The following TMEM62 variants were observed in gnomAD, a reference collection of about 807,000 sequenced individuals.
TMEM62 encodes the protein transmembrane protein 62.
In TMEM62, 41 loss-of-function variants were observed where a neutral mutation model predicts 70.4. The ratio of observed to expected loss-of-function variants is 0.58; its 90% confidence interval spans 0.45 to 0.76. TMEM62 has a LOEUF of 0.76. TMEM62 is among the 30% of genes least tolerant of loss of function. The pLI, the probability that TMEM62 is intolerant of heterozygous loss-of-function variation, is 0.00. For synonymous variants in TMEM62, 268 were observed against 291.0 expected (o/e 0.92, Z 0.80); for missense variants, 688 against 788.5 (o/e 0.87, Z 1.53).
intron 2 of TMEM62, 68 bp from the exon 3 acceptor site, chr15:43,135,444 A>G: frequency 6.7e-7 from 1 of 1,498,258 alleles, no homozygotes; most frequent in Admixed American, 2.6e-5. Flanking sequence ...CAGTGTACAT[A>G]TCTAAAAAAA....
At chr15:43,170,232 C>A (rs2040041320) in intron 11 of TMEM62, among the ~76,000 whole-genome samples, 1 of 152,046 alleles carries the variant, frequency 6.6e-6, no homozygotes, top group East Asian at 1.9e-4. Flanking sequence ...GTTGTTGTGC[C>A]CAAACTCTAA....
At chr15:43,151,643 A>T in intron 7 of TMEM62, 147 bp from the exon 8 acceptor site, 1 of 705,956 alleles carries the variant, frequency 1.4e-6, no homozygotes, top group Non-Finnish European at 2.3e-6. Context: ...TAAGGGAAGA[A>T]AGAAAGAAAA....
At chr15:43,176,140 C>T (rs574563764) in intron 11 of TMEM62, among the ~76,000 whole-genome samples, 3 of 152,318 alleles carry the variant, frequency 2.0e-5, no homozygotes, top group South Asian at 2.1e-4. Flanking sequence ...GAGGGGCGCC[C>T]GCCATTGCCC....
chr15:43,153,780 T>C (rs1025175540), intron 8 of TMEM62, among the ~76,000 whole-genome samples: 6 of 152,232 alleles, frequency 3.9e-5, no homozygotes, highest in African/African-American at 1.4e-4. Flanking sequence ...TTTGGCTATA[T>C]TGAATAACGC....
At chr15:43,157,679 C>A (rs2038204525) in intron 9 of TMEM62, among the ~76,000 whole-genome samples, 1 of 152,128 alleles carries the variant, frequency 6.6e-6, no homozygotes, top group Non-Finnish European at 1.5e-5. Flanking sequence ...CCCCTCCCTG[C>A]ACCATGATGT....
intron 9 of TMEM62, among the ~76,000 whole-genome samples, chr15:43,158,970 C>T (rs2038355191): frequency 1.3e-5 from 2 of 152,136 alleles, no homozygotes; most frequent in Admixed American, 1.3e-4. Flanking sequence ...TAGTGGGAGC[C>T]TCTTCATGTT....
chr15:43,175,555 A>G (rs1476601350), intron 11 of TMEM62, among the ~76,000 whole-genome samples: 1 of 152,114 alleles, frequency 6.6e-6, no homozygotes, highest in East Asian at 1.9e-4. Flanking sequence ...CGCAGAATGG[A>G]GCTTCTCTGA....
chr15:43,149,301 T>C (rs2037073962), intron 7 of TMEM62, 150 bp downstream of exon 7: 3 of 845,434 alleles, frequency 3.5e-6, no homozygotes, highest in East Asian at 5.5e-5. Context: ...TCTGAAATCT[T>C]TGTCATTTTG....
rs376707481 is a variant in TMEM62, at chr15:43,151,995, A to G, written c.1022+50A>G. On this transcript the variant is annotated intron_variant, in intron 8 of 13. Transcript: ENST00000260403. ...ACTTTCAGTTTGATAATGAAGGAGA[A>G]TAAGTCATTGTGATTGCATTCCCAT... The G allele has an allele frequency of 2.3e-5, 33 of 1,464,584 alleles. No homozygotes were observed. The African/African-American group carries it at 4.5e-4, about 20-fold the overall frequency. 90.7% of individuals were successfully genotyped at this position (1,464,584 alleles called of 1,614,324 possible). A position where few individuals can be genotyped will look rare whatever the true frequency, so the allele number is the denominator to read the frequency against.
At chr15:43,173,559 T>C (rs1400179417) in intron 11 of TMEM62, among the ~76,000 whole-genome samples, 4 of 152,222 alleles carry the variant, frequency 2.6e-5, no homozygotes, top group Admixed American at 2.6e-4. Context: ...CTGTTCCCTA[T>C]ACGTGCCATG....
chr15:43,157,994 C>G (rs2038251441), intron 9 of TMEM62, among the ~76,000 whole-genome samples: 1 of 152,132 alleles, frequency 6.6e-6, no homozygotes, highest in Admixed American at 6.6e-5. Context: ...TACCTCCCCC[C>G]TCTTTTTTGT....
chr15:43,149,869 A>T (rs1240776450), intron 7 of TMEM62, among the ~76,000 whole-genome samples: 1 of 152,218 alleles, frequency 6.6e-6, no homozygotes, highest in Non-Finnish European at 1.5e-5. Flanking sequence ...AACTTCTTCA[A>T]ATAGATGATA....
chr15:43,177,822 G>A (rs486177), intron 11 of TMEM62, among the ~76,000 whole-genome samples: 1 of 151,812 alleles, frequency 6.6e-6, no homozygotes, highest in Non-Finnish European at 1.5e-5. Flanking sequence ...CACAGGAAGG[G>A]GAACATCACA....
In TMEM62 at chr15:43,146,594, G is replaced by A. The variant is rs775380456; in HGVS notation, c.578G>A (p.Gly193Glu). ...TGTGTAGATGCCACTGTAAATCCAGGGCCTAAGAGACCCTATAATTTCTTT... is the reference window on the plus strand; with the variant it reads ...TGTGTAGATGCCACTGTAAATCCAGAGCCTAAGAGACCCTATAATTTCTTT... ...FICVDATVNP[G>E]PKRPYNFFGI... Residue 193 changes from glycine (G) to glutamate (E), a missense_variant, in exon 5 of 14, where the codon GGG becomes GAG. Physicochemically the swap from Gly to Glu is moderately conservative, Grantham distance 98. Coordinates refer to ENST00000260403, the MANE Select transcript of TMEM62 (RefSeq NM_024956.4). 23 of 1,612,168 alleles carry A rather than the reference G, an allele frequency of 1.4e-5. No homozygotes were observed. The South Asian group carries it at 2.4e-4, about 17-fold the overall frequency.
intron 12 of TMEM62, among the ~76,000 whole-genome samples, chr15:43,179,624 A>G (rs2041147687): frequency 2.6e-5 from 4 of 152,254 alleles, no homozygotes; most frequent in African/African-American, 9.6e-5. Context: ...ACTTAGCCAC[A>G]CTTATAAAAG....
intron 11 of TMEM62, among the ~76,000 whole-genome samples, chr15:43,173,494 T>G (rs1204001217): frequency 6.6e-6 from 1 of 152,222 alleles, no homozygotes; most frequent in Non-Finnish European, 1.5e-5. Context: ...CTAGTCTTAT[T>G]TAACTAGCCA....
At chr15:43,161,133 G>T (rs545577861) in intron 10 of TMEM62, among the ~76,000 whole-genome samples, 1 of 152,102 alleles carries the variant, frequency 6.6e-6, no homozygotes, top group African/African-American at 2.4e-5. Flanking sequence ...GCATCCACTG[G>T]GGGGGACTTG....
At chr15:43,141,010 C>G (rs1400541814) in intron 4 of TMEM62, among the ~76,000 whole-genome samples, 2 of 152,196 alleles carry the variant, frequency 1.3e-5, no homozygotes, top group African/African-American at 2.4e-5. Flanking sequence ...GCTCCACCAG[C>G]TCCCAGAATG....
At chr15:43,150,829 T>C (rs1369974188) in intron 7 of TMEM62, among the ~76,000 whole-genome samples, 1 of 152,226 alleles carries the variant, frequency 6.6e-6, no homozygotes, top group African/African-American at 2.4e-5. Flanking sequence ...TGGCCAAAAC[T>C]AGTCACATGG....
Sources: allele counts gnomAD v4.1 joint callset (sites outside exome capture counted in the v4.1 genomes callset), GRCh38; gene constraint gnomAD v4.1.1; transcripts MANE v1.5; gene names NCBI Gene and HGNC (gene_info 2026-07-23, HGNC 2026-07-21).